Variants in COX19 observed in about 807,000 individuals in gnomAD.
COX19 encodes the protein cytochrome c oxidase assembly factor COX19.
A neutral mutation model predicts 6.8 loss-of-function variants in COX19; 8 were observed. That is an observed-to-expected ratio of 1.18 (90% CI 0.69 to 2.12). The LOEUF (loss-of-function observed/expected upper bound fraction) is 2.12, where lower values mean the gene tolerates loss of function less well. COX19 is among the 30% of genes most tolerant of loss of function. The probability of loss-of-function intolerance (pLI) is 0.00; values close to 1 mark genes in which losing one functional copy is unlikely to be tolerated. For missense variants in COX19, 131 were observed against 104.6 expected, an observed-to-expected ratio of 1.25 and a Z score of -1.10; for synonymous variants, 51 against 38.0, an observed-to-expected ratio of 1.34 and a Z score of -1.26.
chr7:974,551 G>A (rs965314713), intron 1 of COX19, among the ~76,000 whole-genome samples: 1 of 152,182 alleles, frequency 6.6e-6, no homozygotes, highest in African/African-American at 2.4e-5. Context: ...TGTAGGTGAT[G>A]GTCACAGGAG....
At chr7:975,356 T>C in intron 1 of COX19, 72 bp downstream of exon 1, 2 of 1,269,082 alleles carry the variant, frequency 1.6e-6, no homozygotes, top group Non-Finnish European at 2.2e-6. Context: ...CGGCACCCCA[T>C]AGGGCTCCGC....
In COX19 at chr7:968,372, C is replaced by T. The variant is rs2128116813; in HGVS notation, c.*1006G>A. On this transcript the variant is annotated 3_prime_UTR_variant, in exon 3 of 3. Transcript: ENST00000344111. ...GCCAGGGCTTGGAGACAGCCACTGC[C>T]AGGGTCGCCAGAGAGGACGTGACCT... 6.6e-6 allele frequency: 1 copy of T among 152,460 alleles called. No homozygotes were observed. Among genetic ancestry groups the T allele is most frequent in the East Asian group, 1.9e-4 (1 of 5,184 alleles). 9.4% of individuals were successfully genotyped at this position (152,460 alleles called of 1,614,324 possible).
intron 2 of COX19, among the ~76,000 whole-genome samples, chr7:972,404 G>A (rs1847648379): frequency 6.6e-6 from 1 of 152,216 alleles, no homozygotes; most frequent in Non-Finnish European, 1.5e-5. Context: ...TTTTTGCCTT[G>A]AGGGAAATGT....
At position 975,510 on chromosome 7, in the gene COX19, G is replaced by A. The variant is rs374651385; in HGVS notation, c.-1C>T. On this transcript the variant is annotated 5_prime_UTR_variant, in exon 1 of 3. Transcript: ENST00000344111. ...TCCCGAAATTCATGGCGGTCGACAT[G>A]TTGGCGACTCCGGAGTCTGCGAGCG... The A allele has an allele frequency of 3.7e-6, 6 of 1,602,358 alleles. 1 individual carries two copies. The African/African-American group carries it at 6.8e-5, about 18-fold the overall frequency.
intron 1 of COX19, among the ~76,000 whole-genome samples, chr7:974,580 T>C (rs1847678586): frequency 6.6e-6 from 1 of 152,234 alleles, no homozygotes; most frequent in Non-Finnish European, 1.5e-5. Context: ...GTAAAAATTC[T>C]TTCATTTTTG....
chr7:972,923 T>C (rs1847655316), intron 2 of COX19: 1 of 245,106 alleles, frequency 4.1e-6, no homozygotes, highest in Non-Finnish European at 7.8e-6. Flanking sequence ...AGCAACCAAA[T>C]GTGGAAAGAA....
At position 965,104 on chromosome 7, in the gene COX19, T is replaced by G. The variant is rs1847532476; in HGVS notation, c.*4274A>C. On this transcript the variant is annotated 3_prime_UTR_variant, in exon 3 of 3. Transcript: ENST00000344111. ...GGTTGTCCACACAATGGCGCTATTTTGGGATTCCGGCTTCTCTGCCTGTGA... is the reference window on the plus strand; with the variant it reads ...GGTTGTCCACACAATGGCGCTATTTGGGGATTCCGGCTTCTCTGCCTGTGA... 6.6e-6 allele frequency among the ~76,000 whole-genome samples: 1 copy of G among 152,206 alleles called. No homozygotes were observed. Among genetic ancestry groups the G allele is most frequent in the Non-Finnish European group, 1.5e-5 (1 of 68,040 alleles).
rs1847587493 is a variant in COX19 at position 968,225 on chromosome 7, A to G, written c.*1153T>C. 6.6e-6 allele frequency: 1 copy of G among 152,352 alleles called. No homozygotes were observed. Among genetic ancestry groups the G allele is most frequent in the African/African-American group, 2.4e-5 (1 of 41,478 alleles). The allele number at this position is 152,352 out of a possible 1,614,324, so 9.4% of individuals were successfully genotyped here. ...AAAGGGCCACCACTGCAGGACAGAA[A>G]CAGAGGGCCTTTGCTGCAGAGAACT... On this transcript the variant is annotated 3_prime_UTR_variant, in exon 3 of 3. Coordinates refer to ENST00000344111, the MANE Select transcript of COX19 (RefSeq NM_001031617.3).
Position 969,163 on chromosome 7 carries a change from G to A in COX19, c.*215C>T, listed in dbSNP as rs75405961. 355 of 515,252 alleles carry A rather than the reference G, an allele frequency of 6.9e-4. 2 individuals carry two copies. Among genetic ancestry groups the A allele is most frequent in the African/African-American group, 6.1e-3 (314 of 51,178 alleles). The allele number at this position is 515,252 out of a possible 1,614,324, so 31.9% of individuals were successfully genotyped here. A position where few individuals can be genotyped will look rare whatever the true frequency, so the allele number is the denominator to read the frequency against. On this transcript the variant is annotated 3_prime_UTR_variant, in exon 3 of 3. Coordinates refer to ENST00000344111, the MANE Select transcript of COX19 (RefSeq NM_001031617.3). ...CCTCCCTCCCAGCTTTGCCGGGAAC[G>A]CCGTCCCACTCAGGGGTTCAATGCA...
At chr7:972,400 C>T (rs1010578959) in intron 2 of COX19, among the ~76,000 whole-genome samples, 1 of 152,286 alleles carries the variant, frequency 6.6e-6, no homozygotes, top group Admixed American at 6.5e-5. Context: ...CGGATTTTTG[C>T]CTTGAGGGAA....
intron 2 of COX19, among the ~76,000 whole-genome samples, chr7:970,027 G>C (rs535880200): frequency 6.7e-6 from 1 of 148,542 alleles, no homozygotes; most frequent in East Asian, 2.0e-4. Flanking sequence ...GCAGTGGTGT[G>C]ATCAGCGGTT....
chr7:974,073 T>C (rs1388332474), intron 1 of COX19, among the ~76,000 whole-genome samples: 1 of 151,282 alleles, frequency 6.6e-6, no homozygotes, highest in African/African-American at 2.4e-5. Flanking sequence ...GTTGCACACC[T>C]ATAGTCCCAG....
intron 2 of COX19, among the ~76,000 whole-genome samples, chr7:971,037 C>T (rs572867804): frequency 1.3e-5 from 2 of 152,314 alleles, no homozygotes; most frequent in African/African-American, 2.4e-5. Flanking sequence ...GCGTGCTTTA[C>T]AGGGATGGCC....
chr7:972,363 C>T (rs1408480662), intron 2 of COX19, among the ~76,000 whole-genome samples: 1 of 152,184 alleles, frequency 6.6e-6, no homozygotes, highest in African/African-American at 2.4e-5. Flanking sequence ...TAACCCCGAA[C>T]ACACCTGTGT....
rs1207742621 is a variant in COX19, at chr7:967,802, C to T, written c.*1576G>A. Reference sequence around the variant, plus strand: ...ATTTCTCGTTTGTAGTTTCCTGTGTCCCTGCCTGTCTCCACTTCACAGTAA... The same window carrying T: ...ATTTCTCGTTTGTAGTTTCCTGTGTTCCTGCCTGTCTCCACTTCACAGTAA... On this transcript the variant is annotated 3_prime_UTR_variant, in exon 3 of 3. Transcript: ENST00000344111. 1 of 152,374 alleles carries T rather than the reference C, an allele frequency of 6.6e-6. No homozygotes were observed. Among genetic ancestry groups the T allele is most frequent in the African/African-American group, 2.4e-5 (1 of 41,482 alleles). 9.4% of individuals were successfully genotyped at this position (152,374 alleles called of 1,614,324 possible).
chr7:970,534 C>A (rs1449514943), intron 2 of COX19, among the ~76,000 whole-genome samples: 2 of 151,470 alleles, frequency 1.3e-5, no homozygotes, highest in Non-Finnish European at 2.9e-5. Flanking sequence ...CCTCCACCTC[C>A]CGGGTTCAGG....
Position 969,352 on chromosome 7 carries a change from C to A in COX19, c.*26G>T, listed in dbSNP as rs370034495. The A allele has an allele frequency of 4.8e-6, 7 of 1,462,600 alleles. No individual in the cohort carries two copies. The East Asian group carries it at 1.1e-4, about 24-fold the overall frequency. The allele number at this position is 1,462,600 out of a possible 1,614,324, so 90.6% of individuals were successfully genotyped here. On this transcript the variant is annotated 3_prime_UTR_variant, in exon 3 of 3. Coordinates refer to ENST00000344111, the MANE Select transcript of COX19 (RefSeq NM_001031617.3). ...CTCCGTCCTGAGAGACCACTGAACA[C>A]GGCCCAGGGGTCTTCTCATCAAAAT...
chr7:966,902 T>C lies in COX19; in HGVS notation c.*2476A>G, dbSNP rs2128116508. The C allele has an allele frequency of 6.6e-6, 1 of 152,360 alleles. No homozygotes were observed. The allele number at this position is 152,360 out of a possible 1,614,324, so 9.4% of individuals were successfully genotyped here. ...CTGCCTGCCAGGCACTCAGCAGCCA[T>C]CTCGGTGATCAGACCAGCCATCGCG... On this transcript the variant is annotated 3_prime_UTR_variant, in exon 3 of 3. Transcript: ENST00000344111.
chr7:974,031 TA>T (rs971308889), intron 1 of COX19, among the ~76,000 whole-genome samples: 3 of 135,714 alleles, frequency 2.2e-5, no homozygotes, highest in Non-Finnish European at 4.8e-5. Flanking sequence ...AAATAAAAAA[TA>T]AAAAAACAAT....
Sources: gnomAD v4.1 joint callset for allele counts (sites outside exome capture counted in the v4.1 genomes callset) on GRCh38, gnomAD v4.1.1 for gene constraint, MANE v1.5 for transcripts, NCBI Gene and HGNC (gene_info 2026-07-23, HGNC 2026-07-21) for gene names.